Variants in TENM3 observed in about 807,000 individuals in gnomAD.
TENM3 encodes the protein teneurin transmembrane protein 3, also known as teneurin-3.
Under a neutral mutation model 255.1 loss-of-function variants are expected in TENM3, and 63 were observed. The observed-to-expected ratio is 0.25, with a 90% CI of 0.20 to 0.30. The LOEUF (loss-of-function observed/expected upper bound fraction) is 0.30. Among genes scored for constraint, TENM3 ranks in the 10% least tolerant of loss-of-function variants. The pLI, the probability that TENM3 is intolerant of heterozygous loss-of-function variation, is 1.00. For missense variants in TENM3, 2,929 were observed against 3,461.1 expected (o/e 0.85, Z 3.86); for synonymous variants, 1,306 against 1,322.3 (o/e 0.99, Z 0.27).
At chr4:181,478,421 C>T in the TENM3 span, among the ~76,000 whole-genome samples, 1 of 152,250 alleles carries the variant, frequency 6.6e-6, no homozygotes, top group Admixed American at 6.5e-5. Flanking sequence ...CCTAAGACAC[C>T]TAGGAACTCG....
At chr4:182,348,024 A>T (rs943918365) in intron 3 of TENM3, among the ~76,000 whole-genome samples, 1 of 152,222 alleles carries the variant, frequency 6.6e-6, no homozygotes, top group Non-Finnish European at 1.5e-5. Context: ...GCTAAGTCAC[A>T]GTGTGAAGCA....
chr4:182,066,710 A>G, the TENM3 span, among the ~76,000 whole-genome samples: 2 of 151,618 alleles, frequency 1.3e-5, no homozygotes, highest in South Asian at 2.1e-4. Flanking sequence ...GGAGATCGAG[A>G]CCGTCCTGGC....
At chr4:182,412,853 A>C (rs1309113906) in intron 3 of TENM3, among the ~76,000 whole-genome samples, 1 of 150,934 alleles carries the variant, frequency 6.6e-6, no homozygotes, top group Non-Finnish European at 1.5e-5. Context: ...TGACAGAGTG[A>C]GACTCTGTCT....
At chr4:182,795,747 A>G (rs1477122394) in intron 26 of TENM3, among the ~76,000 whole-genome samples, 1 of 152,266 alleles carries the variant, frequency 6.6e-6, no homozygotes, top group Non-Finnish European at 1.5e-5. Flanking sequence ...ACTGCAGGGA[A>G]TGCCATAGCA....
At chr4:181,935,114 G>A in the TENM3 span, among the ~76,000 whole-genome samples, 1 of 152,066 alleles carries the variant, frequency 6.6e-6, no homozygotes. Flanking sequence ...TTTTCAACTT[G>A]TTTTATTGTA....
chr4:181,550,577 A>G, the TENM3 span, among the ~76,000 whole-genome samples: 1 of 152,182 alleles, frequency 6.6e-6, no homozygotes, highest in Non-Finnish European at 1.5e-5. Flanking sequence ...GATATATCCT[A>G]GATACCTACA....
chr4:182,013,960 ATATATACGTATATATACGTG>A, the TENM3 span, among the ~76,000 whole-genome samples: 3 of 112,180 alleles, frequency 2.7e-5, no homozygotes, highest in Non-Finnish European at 3.6e-5. Context: ...ATATACACAC[ATATATACGTATATATACGTG>A]TATATACGTA....
At chr4:181,698,489 C>G in the TENM3 span, among the ~76,000 whole-genome samples, 2 of 152,162 alleles carry the variant, frequency 1.3e-5, no homozygotes, top group Admixed American at 1.3e-4. Context: ...CTCTGGCATG[C>G]TTTCACTGCA....
chr4:182,220,377 A>C (rs2597104), intron 1 of TENM3, among the ~76,000 whole-genome samples: 1 of 106,634 alleles, frequency 9.4e-6, no homozygotes. Context: ...ACTCTGTCTC[A>C]CAAAAAAAAA....
Position 182,792,187 on chromosome 4 carries a change from A to G in TENM3, c.5602-87A>G, listed in dbSNP as rs201390456. On this transcript the variant is annotated intron_variant, in intron 25 of 27. Coordinates refer to ENST00000511685, the MANE Select transcript of TENM3 (RefSeq NM_001080477.4). This position sits in a 1 kb window ranked among gnomAD's most constrained non-coding sequence, Gnocchi z 6.3. ...AAATGAAAATCATTTTCTCTAGTGG[A>G]ATGTTTCTGTGCATCTGTGGTCACT... The G allele has an allele frequency of 3.4e-6, 4 of 1,177,508 alleles. No homozygotes were observed. In the East Asian group the frequency reaches 9.4e-5, roughly 28 times the overall value. 72.9% of individuals were successfully genotyped at this position (1,177,508 alleles called of 1,614,324 possible). A position where few individuals can be genotyped will look rare whatever the true frequency, so the allele number is the denominator to read the frequency against.
At chr4:182,322,250 G>C (rs1411750885) in intron 1 of TENM3, among the ~76,000 whole-genome samples, 1 of 152,128 alleles carries the variant, frequency 6.6e-6, no homozygotes, top group African/African-American at 2.4e-5. Context: ...GAGAAATCAA[G>C]ATATATTCCA....
the TENM3 span, among the ~76,000 whole-genome samples, chr4:181,740,248 T>C: frequency 6.6e-6 from 1 of 152,168 alleles, no homozygotes; most frequent in Admixed American, 6.5e-5. Context: ...TATACTATAT[T>C]AGATTTCTCT....
chr4:181,872,527 T>C, the TENM3 span, among the ~76,000 whole-genome samples: 2 of 152,172 alleles, frequency 1.3e-5, no homozygotes, highest in Non-Finnish European at 2.9e-5. Context: ...TATGTGTCGA[T>C]GTGACAAACA....
chr4:181,790,464 T>G, the TENM3 span, among the ~76,000 whole-genome samples: 1 of 152,192 alleles, frequency 6.6e-6, no homozygotes, highest in Non-Finnish European at 1.5e-5. Flanking sequence ...TATTATCAGT[T>G]ATCATTATTT....
chr4:182,020,032 T>A, the TENM3 span, among the ~76,000 whole-genome samples: 1 of 151,984 alleles, frequency 6.6e-6, no homozygotes, highest in Non-Finnish European at 1.5e-5. Context: ...CAGACCGAAC[T>A]GCTTTGGGAA....
the TENM3 span, among the ~76,000 whole-genome samples, chr4:182,051,533 G>A: frequency 9.2e-5 from 14 of 151,464 alleles, no homozygotes; most frequent in Non-Finnish European, 1.5e-4. Flanking sequence ...GCCTGCCACC[G>A]CGCTCGGCTA....
At chr4:181,557,561 C>G in the TENM3 span, among the ~76,000 whole-genome samples, 22 of 152,142 alleles carry the variant, frequency 1.4e-4, no homozygotes, top group Non-Finnish European at 2.9e-4. Context: ...GGGTCTCACT[C>G]TATTGCTCAG....
At chr4:182,060,970 C>T in the TENM3 span, among the ~76,000 whole-genome samples, 1 of 152,130 alleles carries the variant, frequency 6.6e-6, no homozygotes, top group Non-Finnish European at 1.5e-5. Context: ...CCAAATATCT[C>T]AATATGTCAC....
At chr4:181,932,149 A>G in the TENM3 span, among the ~76,000 whole-genome samples, 11 of 152,224 alleles carry the variant, frequency 7.2e-5, no homozygotes, top group African/African-American at 2.7e-4. Flanking sequence ...AATGGCAACA[A>G]AAGCCAAAAT....
Sources: allele counts gnomAD v4.1 joint callset (sites outside exome capture counted in the v4.1 genomes callset), GRCh38; gene constraint gnomAD v4.1.1; non-coding constraint Gnocchi (gnomAD v3.1); transcripts MANE v1.5; gene names NCBI Gene and HGNC (gene_info 2026-07-23, HGNC 2026-07-21).